ALKBH3: variants seen among roughly 807,000 people sequenced by gnomAD.
ALKBH3 encodes the protein alkB homolog 3, alpha-ketoglutarate dependent dioxygenase, also known as alpha-ketoglutarate-dependent dioxygenase alkB homolog 3.
ALKBH3 carries 51 observed loss-of-function variants against 43.9 expected under a neutral mutation model. That is an observed-to-expected ratio of 1.16 (90% CI 0.93 to 1.47). The LOEUF (loss-of-function observed/expected upper bound fraction) is 1.47, where lower values mean the gene tolerates loss of function less well. Ranked by LOEUF, ALKBH3 falls within the 40% of genes most tolerant of loss-of-function variation. The pLI is 0.00. For synonymous variants in ALKBH3, 102 were observed against 115.2 expected (o/e 0.89, Z 0.73); for missense variants, 361 against 351.9 (o/e 1.03, Z -0.21).
intron 4 of ALKBH3, among the ~76,000 whole-genome samples, chr11:43,884,712 A>T (rs1951735847): frequency 6.6e-6 from 1 of 152,112 alleles, no homozygotes; most frequent in Non-Finnish European, 1.5e-5. Context: ...TGGCTTGTAT[A>T]TCTTAGAAAA....
rs184207657 is a variant in ALKBH3, at chr11:43,903,145, A to G, written c.669+1420A>G. The stretch of plus-strand genomic sequence containing the variant: ...TGGTTATGTTTACATAAAAAGTTTG[A>G]TCATTGTTAGGGGATTGGTAGTTGC... On this transcript the variant is annotated intron_variant, in intron 8 of 9. Coordinates refer to ENST00000302708, the MANE Select transcript of ALKBH3 (RefSeq NM_139178.4). Among the ~76,000 whole-genome samples the G allele has an allele frequency of 9.0e-4, 137 of 152,254 alleles. 2 individuals carry two copies. The highest frequency in any genetic ancestry group is 7.9e-3 in the South Asian group (38 of 4,822).
At chr11:43,916,205 C>T (rs1951982417) in intron 8 of ALKBH3, among the ~76,000 whole-genome samples, 1 of 152,080 alleles carries the variant, frequency 6.6e-6, no homozygotes, top group South Asian at 2.1e-4. Flanking sequence ...TTAATAATGA[C>T]ATAACAGTAA....
chr11:43,882,306 A>G (rs35695342), intron 1 of ALKBH3, among the ~76,000 whole-genome samples: 4,565 of 152,328 alleles, frequency 0.03, 97 homozygotes, highest in Middle Eastern at 0.044. Context: ...ATTAAGAGGA[A>G]TGTGGTTTAT....
rs765387235 is a variant in ALKBH3 at position 43,901,606 on chromosome 11, G to A, written c.550G>A (p.Glu184Lys). 1.2e-6 allele frequency: 2 copies of A among 1,614,246 alleles called. No individual in the cohort carries two copies. The highest frequency in any genetic ancestry group is 1.7e-6 in the Non-Finnish European group (2 of 1,180,040). The stretch of plus-strand genomic sequence containing the variant: ...CTTACTCTGCAATCTTTATCGCAAT[G>A]AGAAGGACAGCGTGGACTGGCACAG... The part of the protein sequence containing the change: ...NSLLCNLYRN[E>K]KDSVDWHSDD... Residue 184 changes from glutamate to lysine, a missense_variant, in exon 8 of 10, where the codon GAG becomes AAG. Physicochemically the swap from Glu to Lys is moderately conservative, Grantham distance 56. Transcript: ENST00000302708.
chr11:43,897,357 A>G (rs1337301548), intron 7 of ALKBH3: 1 of 686,666 alleles, frequency 1.5e-6, no homozygotes, highest in Non-Finnish European at 2.7e-6. Flanking sequence ...TCAGTTTTGT[A>G]AGTTTTAATA....
At chr11:43,888,579 G>T (rs1009693011) in intron 5 of ALKBH3, among the ~76,000 whole-genome samples, 1 of 152,220 alleles carries the variant, frequency 6.6e-6, no homozygotes, top group Non-Finnish European at 1.5e-5. Context: ...ACATCTAGAT[G>T]AATTTCTTCA....
intron 7 of ALKBH3, among the ~76,000 whole-genome samples, chr11:43,894,563 A>G (rs968112493): frequency 1.3e-5 from 2 of 152,180 alleles, no homozygotes; most frequent in African/African-American, 4.8e-5. Flanking sequence ...AAAAATACCT[A>G]CTTAGAAACA....
intron 7 of ALKBH3, among the ~76,000 whole-genome samples, chr11:43,893,928 C>A (rs1951801080): frequency 6.6e-6 from 1 of 152,132 alleles, no homozygotes; most frequent in African/African-American, 2.4e-5. Context: ...GTTGCCCAGG[C>A]TGGTGTTGAA....
chr11:43,907,663 C>A (rs372104980), intron 8 of ALKBH3, among the ~76,000 whole-genome samples: 1 of 151,976 alleles, frequency 6.6e-6, no homozygotes, highest in Admixed American at 6.6e-5. Context: ...GCTGTCTCAC[C>A]GAGGCAGAGA....
At chr11:43,897,613 A>T (rs1406230955) in intron 7 of ALKBH3, 4 of 878,760 alleles carry the variant, frequency 4.6e-6, no homozygotes, top group Non-Finnish European at 7.9e-6. Flanking sequence ...GGGGCTGTTC[A>T]TGTCATTGAA....
intron 8 of ALKBH3, among the ~76,000 whole-genome samples, chr11:43,908,623 A>G (rs761800601): frequency 1.3e-5 from 2 of 152,114 alleles, no homozygotes; most frequent in Non-Finnish European, 2.9e-5. Flanking sequence ...CTGATTTCAC[A>G]TGCACATTCA....
At chr11:43,892,504 CTT>C (rs1031744396) in intron 7 of ALKBH3, among the ~76,000 whole-genome samples, 4 of 152,188 alleles carry the variant, frequency 2.6e-5, no homozygotes, top group Admixed American at 2.6e-4. Flanking sequence ...TTCTCAGGCT[CTT>C]TTGCTATTTG....
intron 7 of ALKBH3, chr11:43,898,244 G>A: frequency 1.2e-6 from 1 of 853,058 alleles, no homozygotes; most frequent in Non-Finnish European, 2.0e-6. Context: ...ACCCACAAGG[G>A]TGAAATTCCA....
At chr11:43,898,820 C>A (rs1452680869) in intron 7 of ALKBH3, 9 of 765,592 alleles carry the variant, frequency 1.2e-5, no homozygotes, top group Non-Finnish European at 2.2e-5. Context: ...CTCATTTATG[C>A]AGGAAATGAC....
rs775038059 is a variant in ALKBH3, at chr11:43,883,113, G to GA, written c.110dup (p.Pro38AlafsTer14). 6.2e-7 allele frequency: 1 copy of GA among 1,614,100 alleles called. No individual in the cohort carries two copies. The highest frequency in any genetic ancestry group is 8.5e-7 in the Non-Finnish European group (1 of 1,180,012). ...CCACTGCTAAGAGCCATCTCCACCA[G>GA]AAGCCTGGCCAGACCTGGAAGAACA... On this transcript the variant is annotated frameshift_variant, in exon 3 of 10. Transcript: ENST00000302708. LOFTEE classifies it high-confidence loss of function.
At chr11:43,919,839 A>G in intron 9 of ALKBH3, 79 bp from the exon 10 acceptor site, 1 of 1,289,624 alleles carries the variant, frequency 7.8e-7, no homozygotes, top group Non-Finnish European at 1.1e-6. Context: ...CTGCATTCTC[A>G]TGAATAAGTT....
chr11:43,898,394 T>C, intron 7 of ALKBH3: 1 of 701,212 alleles, frequency 1.4e-6, no homozygotes, highest in Non-Finnish European at 2.6e-6. Flanking sequence ...GTTCCACAGG[T>C]CCTTCAGAAT....
At chr11:43,900,122 A>G (rs181956303) in intron 7 of ALKBH3, among the ~76,000 whole-genome samples, 2 of 151,178 alleles carry the variant, frequency 1.3e-5, no homozygotes, top group East Asian at 3.9e-4. Flanking sequence ...CAATTATTCA[A>G]TTATTTGTGT....
At chr11:43,903,701 C>T (rs1191425676) in intron 8 of ALKBH3, among the ~76,000 whole-genome samples, 2 of 152,134 alleles carry the variant, frequency 1.3e-5, no homozygotes, top group Non-Finnish European at 1.5e-5. Flanking sequence ...TTTAAGTATT[C>T]AGTTACTGTT....
Sources: allele counts gnomAD v4.1 joint callset (sites outside exome capture counted in the v4.1 genomes callset), GRCh38; gene constraint gnomAD v4.1.1; transcripts MANE v1.5; gene names NCBI Gene and HGNC (gene_info 2026-07-23, HGNC 2026-07-21).